HIKESHI: variants seen among roughly 807,000 people sequenced by gnomAD.
HIKESHI encodes protein Hikeshi.
In HIKESHI, 13 loss-of-function variants were observed where a neutral mutation model predicts 25.7. The observed-to-expected ratio is 0.51, with a 90% CI of 0.33 to 0.80. The LOEUF is 0.80. Among genes scored for constraint, HIKESHI ranks in the 30% least tolerant of loss-of-function variants. HIKESHI has a pLI of 0.02. For synonymous variants in HIKESHI, 76 were observed against 78.7 expected, an observed-to-expected ratio of 0.97 and a Z score of 0.18; for missense variants, 174 against 229.5, an observed-to-expected ratio of 0.76 and a Z score of 1.56.
intron 2 of HIKESHI, among the ~76,000 whole-genome samples, chr11:86,325,803 C>T (rs755935385): frequency 4.6e-5 from 7 of 150,928 alleles, no homozygotes; most frequent in Non-Finnish European, 8.8e-5. Flanking sequence ...ACCCGGGAGG[C>T]GGAGGTTGCA....
chr11:86,332,877 C>G (rs1947459318), intron 2 of HIKESHI, among the ~76,000 whole-genome samples: 1 of 152,320 alleles, frequency 6.6e-6, no homozygotes, highest in Middle Eastern at 3.4e-3. Context: ...TTTGTCATTG[C>G]ATTAACCTAC....
At chr11:86,325,344 C>T (rs1241136055) in intron 2 of HIKESHI, among the ~76,000 whole-genome samples, 6 of 151,982 alleles carry the variant, frequency 3.9e-5, no homozygotes, top group Admixed American at 3.9e-4. Flanking sequence ...TGTCTTAAAG[C>T]CAGTTACTGT....
chr11:86,305,135 G>A (rs1277043942), intron 1 of HIKESHI, among the ~76,000 whole-genome samples: 3 of 152,048 alleles, frequency 2.0e-5, no homozygotes, highest in Admixed American at 6.6e-5. Flanking sequence ...GAGTAGCTGG[G>A]ACCAAAGGCG....
Position 86,345,729 on chromosome 11 carries a change from G to A in HIKESHI, c.*91G>A, listed in dbSNP as rs938638687. 1.2e-5 allele frequency: 8 copies of A among 655,954 alleles called. No homozygotes were observed. The highest frequency in any genetic ancestry group is 6.0e-5 in the East Asian group (2 of 33,074). The allele number at this position is 655,954 out of a possible 1,614,324, so 40.6% of individuals were successfully genotyped here. On this transcript the variant is annotated 3_prime_UTR_variant, in exon 5 of 5. Coordinates refer to ENST00000278483, the MANE Select transcript of HIKESHI (RefSeq NM_016401.4). ...TAAAAGTATGAGGTCAAAGGATCAC[G>A]AAACCTAAGTTTAAAAACTGCTTAG... is the stretch of plus-strand genomic sequence containing the variant.
chr11:86,311,756 T>C (rs1946841715), intron 2 of HIKESHI, among the ~76,000 whole-genome samples: 1 of 152,222 alleles, frequency 6.6e-6, no homozygotes, highest in South Asian at 2.1e-4. Context: ...TCTGGTATGC[T>C]GTGTCTTTAT....
intron 2 of HIKESHI, among the ~76,000 whole-genome samples, chr11:86,310,412 A>C (rs1424152545): frequency 6.6e-6 from 1 of 152,120 alleles, no homozygotes; most frequent in African/African-American, 2.4e-5. Context: ...TTGCACATTG[A>C]TTTTGTATCC....
intron 2 of HIKESHI, among the ~76,000 whole-genome samples, chr11:86,315,704 A>G (rs1335284412): frequency 6.4e-5 from 6 of 93,366 alleles, no homozygotes; most frequent in South Asian, 3.7e-4. Flanking sequence ...CGAAAGAACT[A>G]CTTACCGGAG....
intron 2 of HIKESHI, among the ~76,000 whole-genome samples, chr11:86,315,358 C>T (rs376065300): frequency 2.0e-5 from 3 of 151,092 alleles, no homozygotes; most frequent in African/African-American, 7.3e-5. Flanking sequence ...TTCGCTCTTA[C>T]TGCCCAGGCT....
chr11:86,344,772 C>A, intron 4 of HIKESHI, 51 bp downstream of exon 4: 1 of 1,158,624 alleles, frequency 8.6e-7, no homozygotes, highest in Non-Finnish European at 1.3e-6. Flanking sequence ...AACTGAATAT[C>A]TATTTTGTCT....
intron 1 of HIKESHI, among the ~76,000 whole-genome samples, chr11:86,305,866 G>A (rs538236725): frequency 2.0e-5 from 3 of 151,924 alleles, no homozygotes; most frequent in East Asian, 1.9e-4. Flanking sequence ...TCAGCCTCCC[G>A]AGTAGCTGGG....
chr11:86,311,989 C>T (rs1020471471), intron 2 of HIKESHI, among the ~76,000 whole-genome samples: 6 of 152,034 alleles, frequency 3.9e-5, no homozygotes, highest in African/African-American at 7.3e-5. Context: ...ACTATGTGGT[C>T]AATTTTGGAA....
chr11:86,303,570 T>G (rs1383481174), intron 1 of HIKESHI: 2 of 199,706 alleles, frequency 1.0e-5, no homozygotes, highest in Admixed American at 1.3e-4. Flanking sequence ...TTGTGTTTCT[T>G]AAAGAATAAA....
chr11:86,319,693 G>A (rs1354179530), intron 2 of HIKESHI, among the ~76,000 whole-genome samples: 1 of 151,968 alleles, frequency 6.6e-6, no homozygotes, highest in Non-Finnish European at 1.5e-5. Flanking sequence ...CATGGCAATT[G>A]GTTGATCTCT....
At chr11:86,341,521 GTC>G (rs1318764531) in intron 3 of HIKESHI, among the ~76,000 whole-genome samples, 1 of 148,922 alleles carries the variant, frequency 6.7e-6, no homozygotes, top group Admixed American at 6.7e-5. Context: ...TTGAGACAAG[GTC>G]TTGCTCTGTC....
In HIKESHI at chr11:86,306,246, T is replaced by G. The variant is rs552485887; in HGVS notation, c.32T>G (p.Val11Gly). 1.9e-6 allele frequency: 3 copies of G among 1,608,184 alleles called. No homozygotes were observed. The highest frequency in any genetic ancestry group is 2.6e-6 in the Non-Finnish European group (3 of 1,175,148). The change falls in exon 2 of 5, where the codon GTG (valine) becomes GGG (glycine). Residue 11 changes from valine to glycine, a missense_variant and splice_region_variant. Transcript: ENST00000278483. MFGCLVAGRL[V>G]QTAAQQVAED... Reference sequence around the variant, plus strand: ...TGAGACAAGTTTCTTATTTTCTAGGTGCAAACAGCTGCACAGCAAGTGGCA... The same window carrying G: ...TGAGACAAGTTTCTTATTTTCTAGGGGCAAACAGCTGCACAGCAAGTGGCA...
At chr11:86,328,118 C>A (rs966369011) in intron 2 of HIKESHI, among the ~76,000 whole-genome samples, 1 of 152,168 alleles carries the variant, frequency 6.6e-6, no homozygotes, top group African/African-American at 2.4e-5. Context: ...ACTGTTAAGG[C>A]TCTTGAAATC....
chr11:86,345,506 G>T, intron 4 of HIKESHI, 78 bp from the exon 5 acceptor site: 2 of 795,718 alleles, frequency 2.5e-6, no homozygotes, highest in South Asian at 1.7e-5. Flanking sequence ...AATTGTTTTG[G>T]ATAAGTCATT....
Position 86,345,598 on chromosome 11 carries a change from A to T in HIKESHI, c.554A>T (p.Gln185Leu), listed in dbSNP as rs761079545. Residue 185 changes from glutamine to leucine, a missense_variant, in exon 5 of 5, where the codon CAA (glutamine) becomes CTA (leucine). Transcript: ENST00000278483. Reference sequence around the variant, plus strand: ...TTCTTTTCTAGGTATGAAAACTTTCAAAGACGACTAGCACAGAACCCTCTC... The same window carrying T: ...TTCTTTTCTAGGTATGAAAACTTTCTAAGACGACTAGCACAGAACCCTCTC... ...NVVLKWYENF[Q>L]RRLAQNPLFW... The T allele has an allele frequency of 1.3e-6, 2 of 1,550,742 alleles. No individual in the cohort carries two copies. Among genetic ancestry groups the T allele is most frequent in the African/African-American group, 2.8e-5 (2 of 72,522 alleles).
At chr11:86,319,650 A>C (rs1003509755) in intron 2 of HIKESHI, among the ~76,000 whole-genome samples, 4 of 152,100 alleles carry the variant, frequency 2.6e-5, no homozygotes, top group African/African-American at 9.7e-5. Context: ...AAGTTTTTAA[A>C]TACTTTTAAT....
Sources: allele counts gnomAD v4.1 joint callset (sites outside exome capture counted in the v4.1 genomes callset), GRCh38; gene constraint gnomAD v4.1.1; transcripts MANE v1.5; gene names NCBI Gene and HGNC (gene_info 2026-07-23, HGNC 2026-07-21).